Variants in PRKN observed in about 807,000 individuals in gnomAD.
PRKN encodes the protein E3 ubiquitin-protein ligase parkin.
PRKN carries 56 observed loss-of-function variants against 59.5 expected under a neutral mutation model. The observed-to-expected ratio is 0.94, with a 90% CI of 0.76 to 1.18. PRKN has a LOEUF of 1.18. Ranked by LOEUF, PRKN falls within the 50% of genes most tolerant of loss-of-function variation. The pLI is 0.00. For synonymous variants in PRKN, 250 were observed against 222.1 expected, an observed-to-expected ratio of 1.13 and a Z score of -1.12; for missense variants, 657 against 596.4, an observed-to-expected ratio of 1.10 and a Z score of -1.06.
At chr6:161,441,455 G>A (rs1233487418) in intron 9 of PRKN, among the ~76,000 whole-genome samples, 1 of 151,886 alleles carries the variant, frequency 6.6e-6, no homozygotes, top group African/African-American at 2.4e-5. Context: ...AACCAGCCTG[G>A]CCAACGTGGT....
chr6:161,380,671 A>G (rs1309036072), intron 10 of PRKN, among the ~76,000 whole-genome samples: 9 of 152,188 alleles, frequency 5.9e-5, no homozygotes, highest in Admixed American at 5.2e-4. Flanking sequence ...CACAGTTGAA[A>G]TGAGGTTCAA....
At chr6:162,406,557 T>C (rs1385696382) in intron 2 of PRKN, among the ~76,000 whole-genome samples, 1 of 152,350 alleles carries the variant, frequency 6.6e-6, no homozygotes, top group Admixed American at 6.5e-5. Context: ...ATTTCTTAAT[T>C]ATTGACCTCG....
At position 161,468,348 on chromosome 6, in the gene PRKN, G is replaced by A. The variant is rs538880340; in HGVS notation, c.1083+80506C>T. Among the ~76,000 whole-genome samples, 14 of 151,862 alleles carry A rather than the reference G, an allele frequency of 9.2e-5. No individual in the cohort carries two copies. Among genetic ancestry groups the A allele is most frequent in the Non-Finnish European group, 1.6e-4 (11 of 67,982 alleles). On this transcript the variant is annotated intron_variant, in intron 9 of 11. Transcript: ENST00000366898. The surrounding 1 kb of genome is among the most constrained non-coding windows in gnomAD (Gnocchi z 5.9). Reference sequence around the variant, plus strand: ...TCTTCAATCTGAAATAGTGTACTACGCCAGGTGTAGACAGGAAGAGAGAAG... The same window carrying A: ...TCTTCAATCTGAAATAGTGTACTACACCAGGTGTAGACAGGAAGAGAGAAG...
chr6:161,552,252 G>A lies in PRKN; in HGVS notation c.934-3249C>T, dbSNP rs971425241. Among the ~76,000 whole-genome samples the A allele has an allele frequency of 2.6e-5, 4 of 151,916 alleles. No individual in the cohort carries two copies. Among genetic ancestry groups the A allele is most frequent in the Non-Finnish European group, 5.9e-5 (4 of 68,016 alleles). On this transcript the variant is annotated intron_variant, in intron 8 of 11. Coordinates refer to ENST00000366898, the MANE Select transcript of PRKN (RefSeq NM_004562.3). This position sits in a 1 kb window ranked among gnomAD's most constrained non-coding sequence, Gnocchi z 4.9. ...TGTAAAAGGAAGCGGGACATCTCTCGATCACCTCTGCCTATGACTGTGAAT... is the reference window on the plus strand; with the variant it reads ...TGTAAAAGGAAGCGGGACATCTCTCAATCACCTCTGCCTATGACTGTGAAT...
At chr6:161,493,507 G>A (rs777095449) in intron 9 of PRKN, among the ~76,000 whole-genome samples, 11 of 152,152 alleles carry the variant, frequency 7.2e-5, no homozygotes, top group Admixed American at 2.6e-4. Context: ...GAAGGTACTC[G>A]GTCAGTGTTT....
chr6:161,475,198 C>T lies in PRKN; in HGVS notation c.1083+73656G>A, dbSNP rs73589766. ...GCCACCATGCCTGACCCACTATTAC[C>T]TATACTTATAGTAGATTGCATGTGA... is the stretch of plus-strand genomic sequence containing the variant. On this transcript the variant is annotated intron_variant, in intron 9 of 11. Coordinates refer to ENST00000366898, the MANE Select transcript of PRKN (RefSeq NM_004562.3). The surrounding 1 kb of genome is among the most constrained non-coding windows in gnomAD (Gnocchi z 5.3). Among the ~76,000 whole-genome samples the T allele has an allele frequency of 0.13, 20,212 of 152,122 alleles. 2,388 individuals carry two copies. Among genetic ancestry groups the T allele is most frequent in the African/African-American group, 0.32 (13,360 of 41,480 alleles).
chr6:161,572,300 C>T (rs1335462832), intron 7 of PRKN, among the ~76,000 whole-genome samples: 1 of 152,012 alleles, frequency 6.6e-6, no homozygotes, highest in Non-Finnish European at 1.5e-5. Context: ...CTGAGTAGTA[C>T]AAAAGATTAC....
intron 4 of PRKN, among the ~76,000 whole-genome samples, chr6:162,196,801 T>C (rs1328829275): frequency 6.6e-6 from 1 of 152,184 alleles, no homozygotes; most frequent in Admixed American, 6.5e-5. Context: ...AACTGGAGCA[T>C]CACATTTGAA....
intron 6 of PRKN, among the ~76,000 whole-genome samples, chr6:161,874,235 T>TATATATATTACATGTAAA (rs1794525632): frequency 1.1e-4 from 1 of 8,738 alleles, no homozygotes; most frequent in Non-Finnish European, 3.2e-4. Context: ...TTATATATAA[T>TATATATATTACATGTAAA]ATATAATATA....
chr6:162,078,722 T>C (rs1778933065), intron 4 of PRKN, among the ~76,000 whole-genome samples: 2 of 152,022 alleles, frequency 1.3e-5, no homozygotes, highest in Non-Finnish European at 2.9e-5. Flanking sequence ...ATAAATAATG[T>C]ATTGGGAATA....
intron 6 of PRKN, among the ~76,000 whole-genome samples, chr6:161,933,139 G>A (rs769426454): frequency 1.3e-5 from 2 of 152,062 alleles, no homozygotes; most frequent in Non-Finnish European, 2.9e-5. Flanking sequence ...AGTTAGCTAG[G>A]TGTGGTGATG....
chr6:162,517,376 T>C (rs1261314713), intron 1 of PRKN, among the ~76,000 whole-genome samples: 3 of 150,366 alleles, frequency 2.0e-5, no homozygotes, highest in African/African-American at 4.9e-5. Context: ...GCCGCCGGAG[T>C]AGCTGGGACT....
chr6:162,436,042 G>T (rs559274475), intron 2 of PRKN, among the ~76,000 whole-genome samples: 2 of 151,458 alleles, frequency 1.3e-5, no homozygotes, highest in South Asian at 4.2e-4. Flanking sequence ...TGGGTGTGGT[G>T]GTACATGCCT....
intron 2 of PRKN, among the ~76,000 whole-genome samples, chr6:162,307,197 C>G (rs34902005): frequency 6.6e-6 from 1 of 151,688 alleles, no homozygotes; most frequent in South Asian, 2.1e-4. Flanking sequence ...GTCAAGAGTT[C>G]GAGACCAGCC....
At chr6:162,077,559 T>G (rs1251797067) in intron 4 of PRKN, among the ~76,000 whole-genome samples, 2 of 152,084 alleles carry the variant, frequency 1.3e-5, no homozygotes, top group Non-Finnish European at 2.9e-5. Flanking sequence ...CTTGTGATTA[T>G]TAGCTGAGTA....
At position 161,401,887 on chromosome 6, in the gene PRKN, T is replaced by G. The variant is rs1346109349; in HGVS notation, c.1084-15010A>C. Among the ~76,000 whole-genome samples, 1 of 152,178 alleles carries G rather than the reference T, an allele frequency of 6.6e-6. No individual in the cohort carries two copies. The highest frequency in any genetic ancestry group is 2.4e-5 in the African/African-American group (1 of 41,434). The stretch of plus-strand genomic sequence containing the variant: ...AGAGAGAAGATGAGAGATCCAGAGG[T>G]CTGAGATGTTTGTTCACACACCAAT... On this transcript the variant is annotated intron_variant, in intron 9 of 11. Transcript: ENST00000366898. This position sits in a 1 kb window ranked among gnomAD's most constrained non-coding sequence, Gnocchi z 4.4.
intron 7 of PRKN, among the ~76,000 whole-genome samples, chr6:161,755,589 G>A (rs9355928): frequency 0.022 from 3,286 of 151,814 alleles, 86 homozygotes; most frequent in South Asian, 0.072. Context: ...CCTCGACTAC[G>A]GCAAGCAGAA....
At chr6:161,500,228 T>C (rs539455) in intron 9 of PRKN, among the ~76,000 whole-genome samples, 121,057 of 151,990 alleles carry the variant, frequency 0.8, 48,464 homozygotes, top group Middle Eastern at 0.87. Context: ...CCCTCTCCCC[T>C]ATACATGCAC....
At chr6:162,411,199 C>G (rs1251939334) in intron 2 of PRKN, among the ~76,000 whole-genome samples, 1 of 152,174 alleles carries the variant, frequency 6.6e-6, no homozygotes, top group Non-Finnish European at 1.5e-5. Flanking sequence ...CAAAAAATAT[C>G]TGTCAGGCAT....
Sources: gnomAD v4.1 joint callset for allele counts (sites outside exome capture counted in the v4.1 genomes callset) on GRCh38, gnomAD v4.1.1 for gene constraint, Gnocchi (gnomAD v3.1) non-coding constraint, MANE v1.5 for transcripts, NCBI Gene and HGNC (gene_info 2026-07-23, HGNC 2026-07-21) for gene names.